RABGAP1: variants seen among roughly 807,000 people sequenced by gnomAD.
RABGAP1 encodes the protein rab GTPase-activating protein 1.
RABGAP1 carries 23 observed loss-of-function variants against 137.6 expected under a neutral mutation model. The ratio of observed to expected loss-of-function variants is 0.17; its 90% CI spans 0.12 to 0.24. RABGAP1 has a LOEUF of 0.24. Among genes scored for constraint, RABGAP1 ranks in the 10% least tolerant of loss-of-function variants. The pLI is 1.00. For synonymous variants in RABGAP1, 451 were observed against 450.7 expected (o/e 1.00, Z -0.01); for missense variants, 906 against 1,275.8 (o/e 0.71, Z 4.42).
At chr9:122,984,158 TATC>T (rs1466029813) in intron 2 of RABGAP1, among the ~76,000 whole-genome samples, 3 of 152,234 alleles carry the variant, frequency 2.0e-5, no homozygotes, top group African/African-American at 7.2e-5. Context: ...CGTTATTTCT[TATC>T]AGACAAAATT....
At chr9:123,066,709 C>G (rs545674046) in intron 14 of RABGAP1, among the ~76,000 whole-genome samples, 2 of 152,310 alleles carry the variant, frequency 1.3e-5, no homozygotes, top group South Asian at 4.1e-4. Flanking sequence ...CATCACTGTA[C>G]AGATGTTCAC....
At chr9:123,065,679 A>T in intron 14 of RABGAP1, 2 of 472,776 alleles carry the variant, frequency 4.2e-6, no homozygotes. Context: ...TTCCCCTTCT[A>T]ATCAGGATTT....
intron 12 of RABGAP1, 41 bp from the exon 13 acceptor site, chr9:123,020,268 A>T (rs574781545): frequency 7.1e-7 from 1 of 1,400,632 alleles, no homozygotes; most frequent in African/African-American, 1.5e-5. Flanking sequence ...AGAGAATCTT[A>T]TCTTCCTTTT....
chr9:123,021,305 A>C (rs994719261), intron 13 of RABGAP1, among the ~76,000 whole-genome samples: 4 of 151,422 alleles, frequency 2.6e-5, no homozygotes, highest in African/African-American at 7.3e-5. Flanking sequence ...AAAAAAAAAA[A>C]AAAACCTTAT....
intron 13 of RABGAP1, among the ~76,000 whole-genome samples, chr9:123,043,279 GCT>G (rs1477231129): frequency 6.6e-6 from 1 of 152,174 alleles, no homozygotes; most frequent in Non-Finnish European, 1.5e-5. Flanking sequence ...AGGAAGGAAA[GCT>G]CTACGAAAGC....
chr9:123,053,743 T>A (rs1387894928), intron 13 of RABGAP1, among the ~76,000 whole-genome samples: 1 of 152,206 alleles, frequency 6.6e-6, no homozygotes, highest in East Asian at 1.9e-4. Flanking sequence ...AGAACTAACT[T>A]TTTCTTTGGG....
chr9:123,042,752 G>A (rs915643516), intron 13 of RABGAP1, among the ~76,000 whole-genome samples: 1 of 152,136 alleles, frequency 6.6e-6, no homozygotes, highest in African/African-American at 2.4e-5. Context: ...TAGAGGAAAA[G>A]AAAGGAAGAA....
Position 123,076,746 on chromosome 9 carries a change from T to C in RABGAP1, c.2408T>C (p.Leu803Ser). Residue 803 changes from leucine (L) to serine (S), a missense_variant, in exon 19 of 26, where the codon TTA becomes TCA. This residue lies in a region of RABGAP1 where 77 missense variants were observed against 105.6 expected (regional missense o/e 0.73). Transcript: ENST00000373647. The stretch of plus-strand genomic sequence containing the variant: ...GAAAATGCAAAAAAACTAATGGAAT[T>C]AGCCTGCAACATGAAGGTAAAATAA... ...SEENAKKLME[L>S]ACNMKISQKK... 3 of 1,592,568 alleles carry C rather than the reference T, an allele frequency of 1.9e-6. No individual in the cohort carries two copies. Among genetic ancestry groups the C allele is most frequent in the South Asian group, 2.3e-5 (2 of 86,930 alleles).
chr9:122,989,062 C>T (rs1411913790), intron 4 of RABGAP1, among the ~76,000 whole-genome samples: 1 of 148,144 alleles, frequency 6.8e-6, no homozygotes, highest in Admixed American at 6.8e-5. Context: ...ATTGTTTATA[C>T]CTTTCTGTTT....
At chr9:123,057,843 G>A (rs1261136005) in intron 13 of RABGAP1, among the ~76,000 whole-genome samples, 3 of 152,210 alleles carry the variant, frequency 2.0e-5, no homozygotes, top group African/African-American at 7.2e-5. Flanking sequence ...TCGCGGCCAG[G>A]AGCTGGAGAC....
At chr9:122,943,621 A>G (rs1833746837) in intron 1 of RABGAP1, among the ~76,000 whole-genome samples, 1 of 152,170 alleles carries the variant, frequency 6.6e-6, no homozygotes, top group Non-Finnish European at 1.5e-5. Context: ...GGTTTTCCAC[A>G]CAATTTATTA....
At chr9:122,956,751 T>C (rs1360823938) in intron 1 of RABGAP1, among the ~76,000 whole-genome samples, 1 of 152,104 alleles carries the variant, frequency 6.6e-6, no homozygotes, top group African/African-American at 2.4e-5. Context: ...AAGAAATCAC[T>C]GTAAGTAGTT....
intron 1 of RABGAP1, among the ~76,000 whole-genome samples, chr9:122,942,669 CAAAAA>C (rs10660327): frequency 4.4e-5 from 4 of 90,342 alleles, no homozygotes; most frequent in Non-Finnish European, 8.4e-5. Flanking sequence ...GACTCCGTCT[CAAAAA>C]AAAAAAAAAA....
At chr9:123,009,331 A>C (rs2030592323) in intron 10 of RABGAP1, among the ~76,000 whole-genome samples, 2 of 152,210 alleles carry the variant, frequency 1.3e-5, no homozygotes, top group Non-Finnish European at 2.9e-5. Flanking sequence ...CCTTACTTCC[A>C]TGATAGGGTT....
chr9:123,046,212 T>G (rs1693174350), intron 13 of RABGAP1, among the ~76,000 whole-genome samples: 2 of 152,216 alleles, frequency 1.3e-5, no homozygotes, highest in African/African-American at 4.8e-5. Context: ...TGGATGTACT[T>G]CATCAAGGGA....
intron 24 of RABGAP1, 92 bp from the exon 25 acceptor site, chr9:123,101,474 C>G: frequency 8.2e-7 from 1 of 1,220,190 alleles, no homozygotes; most frequent in South Asian, 1.6e-5. Flanking sequence ...ACAGAGAAGC[C>G]GTCTCTTGGT....
chr9:123,064,314 A>C (rs2034096483), intron 13 of RABGAP1, among the ~76,000 whole-genome samples: 1 of 152,222 alleles, frequency 6.6e-6, no homozygotes, highest in South Asian at 2.1e-4. Flanking sequence ...GCTCTTTGAA[A>C]AGCAATTTGG....
At chr9:122,991,628 C>T (rs923038653) in intron 6 of RABGAP1, among the ~76,000 whole-genome samples, 2 of 141,956 alleles carry the variant, frequency 1.4e-5, no homozygotes, top group Admixed American at 1.4e-4. Context: ...TTTTGAGATA[C>T]GCCTCACGCT....
intron 13 of RABGAP1, among the ~76,000 whole-genome samples, chr9:123,055,523 T>C (rs920441922): frequency 1.3e-5 from 2 of 151,692 alleles, no homozygotes; most frequent in African/African-American, 4.8e-5. Flanking sequence ...TGAGCCATCA[T>C]GCCCAGCCAG....
Sources: allele counts gnomAD v4.1 joint callset (sites outside exome capture counted in the v4.1 genomes callset), GRCh38; gene constraint gnomAD v4.1.1; regional missense constraint gnomAD v4.1.1; transcripts MANE v1.5; gene names NCBI Gene and HGNC (gene_info 2026-07-23, HGNC 2026-07-21).